Variants in SLC13A3 observed in about 807,000 individuals in gnomAD.
SLC13A3 encodes the protein solute carrier family 13 member 3.
In SLC13A3, 40 loss-of-function variants were observed where a neutral mutation model predicts 59.0. That is an observed-to-expected ratio of 0.68 (90% CI 0.53 to 0.88). The LOEUF (loss-of-function observed/expected upper bound fraction) is 0.88. Ranked by LOEUF, SLC13A3 falls within the 40% of genes least tolerant of loss-of-function variation. SLC13A3 has a pLI of 0.00. For synonymous variants in SLC13A3, 317 were observed against 330.3 expected, an observed-to-expected ratio of 0.96 and a Z score of 0.44; for missense variants, 699 against 783.2, an observed-to-expected ratio of 0.89 and a Z score of 1.28.
intron 1 of SLC13A3, among the ~76,000 whole-genome samples, chr20:46,636,958 G>A (rs539354179): frequency 1.7e-4 from 26 of 152,020 alleles, no homozygotes; most frequent in Non-Finnish European, 2.9e-4. Flanking sequence ...CCACCACCAC[G>A]CCTGGCTAAT....
At chr20:46,595,086 C>A (rs950607529) in intron 5 of SLC13A3, among the ~76,000 whole-genome samples, 7 of 152,214 alleles carry the variant, frequency 4.6e-5, no homozygotes, top group African/African-American at 1.7e-4. Flanking sequence ...ATATCAAATA[C>A]TATTTGGTGT....
intron 1 of SLC13A3, among the ~76,000 whole-genome samples, chr20:46,625,074 C>T (rs950462610): frequency 1.3e-5 from 2 of 152,190 alleles, no homozygotes; most frequent in South Asian, 2.1e-4. Flanking sequence ...CTGCTAGGCT[C>T]CTTGTCTTTT....
At position 46,644,031 on chromosome 20, in the gene SLC13A3, C is replaced by G. The variant is rs139950687; in HGVS notation, c.111+7280G>C. Among the ~76,000 whole-genome samples, 1,087 of 152,212 alleles carry G rather than the reference C, an allele frequency of 7.1e-3. 10 individuals carry two copies. Among genetic ancestry groups the G allele is most frequent in the African/African-American group, 0.023 (952 of 41,500 alleles). ...CCAGCCTGGGCAACAGAGGAAGACC[C>G]TGTCTCAAAAATAATTAATTAATTA... is the stretch of plus-strand genomic sequence containing the variant. On this transcript the variant is annotated intron_variant, in intron 1 of 12. Coordinates refer to ENST00000279027, the MANE Select transcript of SLC13A3 (RefSeq NM_022829.6).
chr20:46,592,589 G>A, intron 5 of SLC13A3, 60 bp from the exon 6 acceptor site: 1 of 1,587,750 alleles, frequency 6.3e-7, no homozygotes, highest in African/African-American at 1.3e-5. Context: ...TTGGGAGTGG[G>A]AGAGGGGACC....
Position 46,558,549 on chromosome 20 carries a change from G to A in SLC13A3, c.*1473C>T, listed in dbSNP as rs771276797. ...CCTCTTGCTTCCAGTCCCATACAAC[G>A]CATCTCCCACCAGCCCCAGTGGGTT... On this transcript the variant is annotated 3_prime_UTR_variant, in exon 13 of 13. Transcript: ENST00000279027. The A allele has an allele frequency of 5.9e-5, 9 of 152,116 alleles. No homozygotes were observed. Among genetic ancestry groups the A allele is most frequent in the Non-Finnish European group, 1.2e-4 (8 of 68,042 alleles). 9.4% of individuals were successfully genotyped at this position (152,116 alleles called of 1,614,324 possible). A position where few individuals can be genotyped will look rare whatever the true frequency, so the allele number is the denominator to read the frequency against.
At chr20:46,655,500 A>G (rs867798790), upstream of SLC13A3, among the ~76,000 whole-genome samples, 9 of 147,710 alleles carry the variant, frequency 6.1e-5, no homozygotes, top group South Asian at 1.9e-3. Context: ...TGTGTGTGGT[A>G]TATATATAAT....
rs544645650 is a variant in SLC13A3 at position 46,613,807 on chromosome 20, G to A, written c.112-82C>T. The A allele has an allele frequency of 7.6e-6, 10 of 1,311,018 alleles. No individual in the cohort carries two copies. The Admixed American group carries it at 1.9e-4, about 25-fold the overall frequency. The allele number at this position is 1,311,018 out of a possible 1,614,324, so 81.2% of individuals were successfully genotyped here. On this transcript the variant is annotated intron_variant, in intron 1 of 12. Coordinates refer to ENST00000279027, the MANE Select transcript of SLC13A3 (RefSeq NM_022829.6). Reference sequence around the variant, plus strand: ...GAGGCCCAGGGCTCAGGGCAGAGGGGGAAGGAGGCCTGGGCTGGGGGCAGA... The same window carrying A: ...GAGGCCCAGGGCTCAGGGCAGAGGGAGAAGGAGGCCTGGGCTGGGGGCAGA...
intron 1 of SLC13A3, among the ~76,000 whole-genome samples, chr20:46,627,276 G>A (rs145354067): frequency 5.3e-5 from 8 of 152,282 alleles, no homozygotes; most frequent in East Asian, 3.9e-4. Context: ...GAAAAGTCAC[G>A]TTTTCTCAAG....
Position 46,626,833 on chromosome 20 carries a change from C to A in SLC13A3, c.112-13108G>T, listed in dbSNP as rs542595801. ...GGGCTCTCAGAACAAGCAGGCCAGG[C>A]CTTTTCCCCCGTCCAGGTCTTTGCA... is the stretch of plus-strand genomic sequence containing the variant. On this transcript the variant is annotated intron_variant, in intron 1 of 12. Transcript: ENST00000279027. 5.3e-5 allele frequency among the ~76,000 whole-genome samples: 8 copies of A among 152,290 alleles called. No homozygotes were observed. In the South Asian group the frequency reaches 1.5e-3, roughly 28 times the overall value.
chr20:46,593,256 C>T (rs1244148346), intron 5 of SLC13A3, among the ~76,000 whole-genome samples: 2 of 152,072 alleles, frequency 1.3e-5, no homozygotes, highest in African/African-American at 4.8e-5. Context: ...TGGTAAAATG[C>T]AGTAAGAGTC....
chr20:46,581,452 A>G (rs1409806936), intron 9 of SLC13A3, among the ~76,000 whole-genome samples: 1 of 152,218 alleles, frequency 6.6e-6, no homozygotes, highest in Admixed American at 6.5e-5. Context: ...CTGGGCAAAG[A>G]GAAGTGACAC....
chr20:46,682,397 A>T (rs929833089), intron 1 of SLC13A3: 1 of 152,246 alleles, frequency 6.6e-6, no homozygotes, highest in African/African-American at 2.4e-5. Flanking sequence ...TCCAACAATA[A>T]GAACACAGCT....
intron 5 of SLC13A3, among the ~76,000 whole-genome samples, chr20:46,595,446 T>A (rs1276338813): frequency 6.6e-6 from 1 of 151,996 alleles, no homozygotes; most frequent in Non-Finnish European, 1.5e-5. Flanking sequence ...CTTCCAGGGG[T>A]GGGGAGACTT....
intron 9 of SLC13A3, among the ~76,000 whole-genome samples, chr20:46,580,697 T>C (rs555190552): frequency 6.6e-6 from 1 of 152,148 alleles, no homozygotes; most frequent in South Asian, 2.1e-4. Context: ...GTAGCAGAGC[T>C]GAGATGCCAG....
At position 46,621,665 on chromosome 20, in the gene SLC13A3, G is replaced by GCAGCTGAGT. The variant is rs1306616222; in HGVS notation, c.112-7949_112-7941dup. 7.9e-5 allele frequency among the ~76,000 whole-genome samples: 12 copies of GCAGCTGAGT among 152,280 alleles called. No homozygotes were observed. In the East Asian group the frequency reaches 1.2e-3, roughly 15 times the overall value. On this transcript the variant is annotated intron_variant, in intron 1 of 12. Coordinates refer to ENST00000279027, the MANE Select transcript of SLC13A3 (RefSeq NM_022829.6). ...ACATTCTGCACGGACAGAATAACTGGCAGCTGAGTCAGCTGCTAGGGGCAA... is the reference window on the plus strand; with the variant it reads ...ACATTCTGCACGGACAGAATAACTGGCAGCTGAGTCAGCTGAGTCAGCTGCTAGGGGCAA...
intron 10 of SLC13A3, among the ~76,000 whole-genome samples, chr20:46,567,257 T>G (rs2061989214): frequency 6.6e-6 from 1 of 152,184 alleles, no homozygotes; most frequent in Non-Finnish European, 1.5e-5. Flanking sequence ...ACTACAATGA[T>G]AATACTACAA....
chr20:46,648,314 T>G (rs2062915629), intron 1 of SLC13A3, among the ~76,000 whole-genome samples: 1 of 152,204 alleles, frequency 6.6e-6, no homozygotes, highest in Admixed American at 6.5e-5. Context: ...AGGATACTTC[T>G]TATTCGCATT....
chr20:46,580,048 C>T (rs935937825), intron 9 of SLC13A3, among the ~76,000 whole-genome samples: 6 of 152,002 alleles, frequency 3.9e-5, no homozygotes, highest in South Asian at 2.1e-4. Flanking sequence ...TCACTGCAAC[C>T]GGGTTCAAGC....
At position 46,582,608 on chromosome 20, in the gene SLC13A3, AAAG is replaced by A. The variant is rs767662325; in HGVS notation, c.1219+961_1219+963del. On this transcript the variant is annotated intron_variant, in intron 9 of 12. Transcript: ENST00000279027. Reference sequence around the variant, plus strand: ...ACAGAGTGAGACCCCATTAAAAAAAAAAGAAGAAGAAGAAAGAAAGAACTGTTT... The same window carrying A: ...ACAGAGTGAGACCCCATTAAAAAAAAAAGAAGAAGAAAGAAAGAACTGTTT... The A allele has an allele frequency of 8.3e-4, 814 of 983,562 alleles. 2 individuals carry two copies. The highest frequency in any genetic ancestry group is 9.6e-4 in the Non-Finnish European group (794 of 828,546). The allele number at this position is 983,562 out of a possible 1,614,324, so 60.9% of individuals were successfully genotyped here. A position where few individuals can be genotyped will look rare whatever the true frequency, so the allele number is the denominator to read the frequency against.
Sources: allele counts gnomAD v4.1 joint callset (sites outside exome capture counted in the v4.1 genomes callset), GRCh38; gene constraint gnomAD v4.1.1; transcripts MANE v1.5; gene names NCBI Gene and HGNC (gene_info 2026-07-23, HGNC 2026-07-21).